Variants in CAPN15 observed in about 807,000 individuals in gnomAD.
The protein encoded by CAPN15 is calpain-15.
A neutral mutation model predicts 97.9 loss-of-function variants in CAPN15; 53 were observed. The observed-to-expected ratio is 0.54, with a 90% CI of 0.43 to 0.68. CAPN15 has a LOEUF of 0.68. Among genes scored for constraint, CAPN15 ranks in the 30% least tolerant of loss-of-function variants. The pLI is 0.00. For missense variants in CAPN15, 1,592 were observed against 1,589.8 expected (o/e 1.00, Z -0.02); for synonymous variants, 922 against 722.5 (o/e 1.28, Z -4.43).
intron 1 of CAPN15, 101 bp downstream of exon 1, chr16:528,130 C>T (rs1291120185): frequency 1.3e-5 from 2 of 148,842 alleles, no homozygotes; most frequent in African/African-American, 2.4e-5. Context: ...CGGCGGGGCG[C>T]AGGAGGCCTC....
intron 7 of CAPN15, among the ~76,000 whole-genome samples, chr16:550,778 T>TC (rs66819984): frequency 0.14 from 235 of 1,682 alleles, 50 homozygotes; most frequent in East Asian, 0.19. Flanking sequence ...CCGGTGAGGG[T>TC]CCCGGTCGGT....
intron 7 of CAPN15, among the ~76,000 whole-genome samples, chr16:550,342 C>A (rs2034902564): frequency 6.6e-6 from 1 of 152,208 alleles, no homozygotes; most frequent in Non-Finnish European, 1.5e-5. Flanking sequence ...GCCACAGAGC[C>A]CAGAGCCAGC....
intron 1 of CAPN15, among the ~76,000 whole-genome samples, chr16:530,821 A>C (rs1259775255): frequency 6.6e-6 from 1 of 152,200 alleles, no homozygotes; most frequent in African/African-American, 2.4e-5. Flanking sequence ...GTTGCTTTGC[A>C]CACTCTGAGG....
intron 3 of CAPN15, chr16:538,874 C>T (rs2033908547): frequency 6.6e-6 from 1 of 150,818 alleles, no homozygotes; most frequent in Non-Finnish European, 1.5e-5. Flanking sequence ...ACTGCACCCC[C>T]ACCCCCCCCA....
intron 7 of CAPN15, among the ~76,000 whole-genome samples, chr16:550,141 T>C (rs115118440): frequency 3.0e-5 from 4 of 131,526 alleles, no homozygotes; most frequent in African/African-American, 1.4e-4. Flanking sequence ...GGGGCGAGAC[T>C]GATGCCGTCA....
At chr16:545,177 A>G (rs2034500702) in intron 3 of CAPN15, among the ~76,000 whole-genome samples, 1 of 151,942 alleles carries the variant, frequency 6.6e-6, no homozygotes, top group Non-Finnish European at 1.5e-5. Flanking sequence ...CCCCATCTCT[A>G]AAGTTCAAAA....
At chr16:538,854 A>C in intron 3 of CAPN15, 1 of 149,278 alleles carries the variant, frequency 6.7e-6, no homozygotes. Context: ...GTCGCGGGGG[A>C]GAAGCTGGAA....
chr16:554,320 T>A lies in CAPN15; in HGVS notation c.*804T>A. 1 of 359,510 alleles carries A rather than the reference T, an allele frequency of 2.8e-6. No individual in the cohort carries two copies. The highest frequency in any genetic ancestry group is 7.4e-5 in the East Asian group (1 of 13,564). The allele number at this position is 359,510 out of a possible 1,614,324, so 22.3% of individuals were successfully genotyped here. A position where few individuals can be genotyped will look rare whatever the true frequency, so the allele number is the denominator to read the frequency against. On this transcript the variant is annotated 3_prime_UTR_variant, in exon 14 of 14. Coordinates refer to ENST00000219611, the MANE Select transcript of CAPN15 (RefSeq NM_005632.3). ...CCACCTCCCCACAGAAGCCCAGGAGTGTGTGGACGTCTGAGCCCAGCTTTC... is the reference window on the plus strand; with the variant it reads ...CCACCTCCCCACAGAAGCCCAGGAGAGTGTGGACGTCTGAGCCCAGCTTTC...
In CAPN15 at chr16:548,294, C is replaced by T. The variant is rs534612103; in HGVS notation, c.1449+7C>T. Reference sequence around the variant, plus strand: ...CGTGGCCTTCTGCCGGGAGGTGAGGCGCCCCCTCGCCCTCTTCCTGCTCCT... The same window carrying T: ...CGTGGCCTTCTGCCGGGAGGTGAGGTGCCCCCTCGCCCTCTTCCTGCTCCT... On this transcript the variant is annotated splice_region_variant and intron_variant, in intron 4 of 13. Transcript: ENST00000219611. The T allele has an allele frequency of 7.5e-6, 11 of 1,463,584 alleles. No homozygotes were observed. The highest frequency in any genetic ancestry group is 7.3e-5 in the African/African-American group (5 of 68,078). The allele number at this position is 1,463,584 out of a possible 1,614,324, so 90.7% of individuals were successfully genotyped here. A position where few individuals can be genotyped will look rare whatever the true frequency, so the allele number is the denominator to read the frequency against.
chr16:528,743 G>T, intron 1 of CAPN15: 1 of 985,466 alleles, frequency 1.0e-6, no homozygotes, highest in Non-Finnish European at 1.2e-6. Context: ...GGAAAGCAAT[G>T]GTGAGGCCCA....
Position 552,362 on chromosome 16 carries a change from T to A in CAPN15, c.2569T>A (p.Phe857Ile). The A allele has an allele frequency of 6.2e-7, 1 of 1,600,208 alleles. No homozygotes were observed. The highest frequency in any genetic ancestry group is 8.5e-7 in the Non-Finnish European group (1 of 1,177,058). Residue 857 changes from phenylalanine to isoleucine, a missense_variant, in exon 11 of 14, where the codon TTC (phenylalanine) becomes ATC (isoleucine). Coordinates refer to ENST00000219611, the MANE Select transcript of CAPN15 (RefSeq NM_005632.3). The surrounding 1 kb of genome is among the most constrained non-coding windows in gnomAD (Gnocchi z 6.4). Reference sequence around the variant, plus strand: ...GTGCATCCTGGTGTTCCGGGCCACGTTCGGCAGCGGCGGCCACCTCAGCCT... The same window carrying A: ...GTGCATCCTGGTGTTCCGGGCCACGATCGGCAGCGGCGGCCACCTCAGCCT... ...DLCILVFRAT[F>I]GSGGHLSLGR... is the part of the protein sequence containing the mutation.
At chr16:533,861 A>C in intron 1 of CAPN15, 85 bp from the exon 2 acceptor site, 1 of 615,410 alleles carries the variant, frequency 1.6e-6, no homozygotes, top group Non-Finnish European at 2.0e-6. Flanking sequence ...TCCTGCAGAG[A>C]GGGCTGGAGG....
chr16:542,217 G>A (rs908051358), intron 3 of CAPN15, among the ~76,000 whole-genome samples: 2 of 152,248 alleles, frequency 1.3e-5, no homozygotes, highest in Non-Finnish European at 2.9e-5. Context: ...CTGCTTCCAC[G>A]TGGCTTCTGT....
At position 553,554 on chromosome 16, in the gene CAPN15, C is replaced by T. The variant is rs561192987; in HGVS notation, c.*38C>T. The T allele has an allele frequency of 6.0e-6, 8 of 1,325,136 alleles. No homozygotes were observed. The African/African-American group carries it at 1.0e-4, about 17-fold the overall frequency. The allele number at this position is 1,325,136 out of a possible 1,614,324, so 82.1% of individuals were successfully genotyped here. On this transcript the variant is annotated 3_prime_UTR_variant, in exon 14 of 14. Transcript: ENST00000219611. ...GGGCAGGGGCTGTGCACAGACGGAC[C>T]CCCCACCCCCACACGCACTTTATGA...
Position 553,359 on chromosome 16 carries a change from C to T in CAPN15, c.3104C>T (p.Ser1035Phe). 1 of 1,586,688 alleles carries T rather than the reference C, an allele frequency of 6.3e-7. No individual in the cohort carries two copies. The highest frequency in any genetic ancestry group is 8.6e-7 in the Non-Finnish European group (1 of 1,166,538). ...PLHRQVLVIL[S>F]QLEGNAGFSI... ...CCCAGGCAGGTCCTGGTGATCTTGT[C>T]CCAGCTAGAGGGCAACGCCGGCTTC... Residue 1035 changes from serine to phenylalanine, a missense_variant, in exon 14 of 14, where the codon TCC becomes TTC. By Grantham distance (155) the Ser-to-Phe change is radical. This residue lies in a region of CAPN15 where 644 missense variants were observed against 699.6 expected (regional missense o/e 0.92). Transcript: ENST00000219611.
chr16:548,697 C>T (rs1342020274), intron 4 of CAPN15, among the ~76,000 whole-genome samples: 1 of 152,246 alleles, frequency 6.6e-6, no homozygotes, highest in Non-Finnish European at 1.5e-5. Flanking sequence ...GCGCAGCCTG[C>T]ACCCTCCCCA....
In CAPN15 at chr16:534,012, C is replaced by G; in HGVS notation, c.-137+14C>G. ...CTGCAGCTTCAGGTGAGTTTGTTCC[C>G]AAGCCCTGCGGCTCGTTTATGGGTT... is the stretch of plus-strand genomic sequence containing the variant. On this transcript the variant is annotated intron_variant, in intron 2 of 13. Coordinates refer to ENST00000219611, the MANE Select transcript of CAPN15 (RefSeq NM_005632.3). 1.0e-6 allele frequency: 1 copy of G among 984,742 alleles called. No homozygotes were observed. The highest frequency in any genetic ancestry group is 1.1e-4 in the East Asian group (1 of 8,808). 61.0% of individuals were successfully genotyped at this position (984,742 alleles called of 1,614,324 possible).
intron 7 of CAPN15, among the ~76,000 whole-genome samples, chr16:550,488 C>A (rs2034912331): frequency 6.6e-6 from 1 of 152,354 alleles, no homozygotes; most frequent in Admixed American, 6.5e-5. Flanking sequence ...GGGCCCTTCT[C>A]TGCTGCGCCT....
intron 3 of CAPN15, among the ~76,000 whole-genome samples, chr16:543,103 C>T (rs1015684516): frequency 7.9e-5 from 12 of 151,928 alleles, no homozygotes; most frequent in Admixed American, 2.0e-4. Flanking sequence ...CAATGAGCTG[C>T]GATCGTGCCA....
Sources: allele counts gnomAD v4.1 joint callset (sites outside exome capture counted in the v4.1 genomes callset), GRCh38; gene constraint gnomAD v4.1.1; regional missense constraint gnomAD v4.1.1; non-coding constraint Gnocchi (gnomAD v3.1); transcripts MANE v1.5; gene names NCBI Gene and HGNC (gene_info 2026-07-23, HGNC 2026-07-21).